Variants in CACNA1D observed in about 807,000 individuals in gnomAD.
The protein encoded by CACNA1D is voltage-dependent L-type calcium channel subunit alpha-1D.
Under a neutral mutation model 257.1 loss-of-function variants are expected in CACNA1D, and 55 were observed. The ratio of observed to expected loss-of-function variants is 0.21; its 90% CI spans 0.17 to 0.27. The LOEUF (loss-of-function observed/expected upper bound fraction) is 0.27. Among genes scored for constraint, CACNA1D ranks in the 10% least tolerant of loss-of-function variants. The pLI, the probability that CACNA1D is intolerant of heterozygous loss-of-function variation, is 1.00. For synonymous variants in CACNA1D, 980 were observed against 1,014.9 expected (o/e 0.97, Z 0.65); for missense variants, 1,876 against 2,784.0 (o/e 0.67, Z 7.34).
At chr3:53,507,561 T>C (rs1376579811) in intron 3 of CACNA1D, among the ~76,000 whole-genome samples, 1 of 151,700 alleles carries the variant, frequency 6.6e-6, no homozygotes, top group Non-Finnish European at 1.5e-5. Flanking sequence ...AAGACTATAG[T>C]GAGCTGTGAT....
chr3:53,642,860 G>A (rs914050293), intron 3 of CACNA1D, among the ~76,000 whole-genome samples: 5 of 152,234 alleles, frequency 3.3e-5, no homozygotes, highest in Admixed American at 3.3e-4. Flanking sequence ...AGGGAGAAGT[G>A]TATTCACACT....
intron 9 of CACNA1D, among the ~76,000 whole-genome samples, chr3:53,713,057 C>A (rs1214269527): frequency 6.6e-6 from 1 of 152,216 alleles, no homozygotes; most frequent in African/African-American, 2.4e-5. Context: ...GGACTCAGTT[C>A]TCCAGTGCAG....
At chr3:53,644,189 A>G (rs1024311340) in intron 3 of CACNA1D, among the ~76,000 whole-genome samples, 4 of 152,228 alleles carry the variant, frequency 2.6e-5, no homozygotes, top group Non-Finnish European at 5.9e-5. Flanking sequence ...TAAAGAGGCA[A>G]TTTTTAAAAA....
intron 45 of CACNA1D, 48 bp downstream of exon 45, chr3:53,805,194 T>A (rs747405459): frequency 1.3e-6 from 2 of 1,574,260 alleles, no homozygotes; most frequent in South Asian, 2.2e-5. Flanking sequence ...GGGAACAGTG[T>A]ACCTCTCCCC....
At chr3:53,523,993 C>T (rs2091672741) in intron 3 of CACNA1D, among the ~76,000 whole-genome samples, 1 of 152,216 alleles carries the variant, frequency 6.6e-6, no homozygotes, top group Admixed American at 6.5e-5. Flanking sequence ...GTGAAATTCT[C>T]ATTTTTAGGA....
chr3:53,616,898 T>C (rs2093643085), intron 3 of CACNA1D, among the ~76,000 whole-genome samples: 1 of 151,924 alleles, frequency 6.6e-6, no homozygotes, highest in Non-Finnish European at 1.5e-5. Context: ...ACACTGATGG[T>C]ATGTCTCCCT....
chr3:53,633,555 A>G lies in CACNA1D; in HGVS notation c.484-17224A>G, dbSNP rs2093846785. ...TTTTGAACTCAGACTGCTTGACTCC[A>G]TATTTACTGTGCTCTCCAGCTTAGG... On this transcript the variant is annotated intron_variant, in intron 3 of 47. Transcript: ENST00000350061. Among the ~76,000 whole-genome samples the G allele has an allele frequency of 7.9e-5, 12 of 152,178 alleles. No individual in the cohort carries two copies. In the South Asian group the frequency reaches 2.3e-3, roughly 29 times the overall value.
chr3:53,705,761 A>G (rs2094681819), intron 9 of CACNA1D, among the ~76,000 whole-genome samples: 1 of 152,170 alleles, frequency 6.6e-6, no homozygotes, highest in Admixed American at 6.5e-5. Flanking sequence ...CTCTGAGGAG[A>G]GAACCTCTCT....
intron 9 of CACNA1D, among the ~76,000 whole-genome samples, chr3:53,712,857 G>A (rs1207891941): frequency 6.6e-6 from 1 of 152,200 alleles, no homozygotes; most frequent in East Asian, 1.9e-4. Context: ...CTGTGAATGA[G>A]GCTACTAATG....
chr3:53,501,507 A>G (rs1013614780), intron 2 of CACNA1D, 108 bp from the exon 3 acceptor site: 24 of 697,248 alleles, frequency 3.4e-5, no homozygotes, highest in Non-Finnish European at 6.0e-5. Context: ...GGATTTGTGT[A>G]TGTCATTTTC....
At chr3:53,578,458 A>G (rs1332628320) in intron 3 of CACNA1D, among the ~76,000 whole-genome samples, 2 of 152,162 alleles carry the variant, frequency 1.3e-5, no homozygotes, top group African/African-American at 4.8e-5. Context: ...GCTCTATTCA[A>G]GGAAGAACCC....
In CACNA1D at chr3:53,745,706, C is replaced by T. The variant is rs774369648; in HGVS notation, c.3089C>T (p.Ala1030Val). ...ACCACCCTCCTGCAGTTCATGTTTG[C>T]CTGTATCGGGGTCCAGTTGTTCAAG... The part of the protein sequence containing the change: ...IVTTLLQFMF[A>V]CIGVQLFKGK... The change falls in exon 24 of 48, where the codon GCC becomes GTC. Residue 1030 changes from alanine to valine, a missense_variant. Around this residue, in one of 10 missense-constraint regions of CACNA1D, gnomAD observed 271 missense variants for 425.5 expected, o/e 0.64. Transcript: ENST00000350061. 6.2e-7 allele frequency: 1 copy of T among 1,613,690 alleles called. No individual in the cohort carries two copies.
intron 29 of CACNA1D, among the ~76,000 whole-genome samples, chr3:53,759,254 A>G (rs543458721): frequency 6.6e-6 from 1 of 152,368 alleles, no homozygotes; most frequent in South Asian, 2.1e-4. Context: ...TTTATCCATC[A>G]CAGTGCACCA....
intron 8 of CACNA1D, among the ~76,000 whole-genome samples, chr3:53,682,347 G>A (rs1463314123): frequency 8.7e-6 from 1 of 114,514 alleles, no homozygotes; most frequent in African/African-American, 3.4e-5. Flanking sequence ...GGGCGACATA[G>A]CGAGGCTTTG....
chr3:53,662,673 T>A (rs1234241797), intron 5 of CACNA1D, among the ~76,000 whole-genome samples: 2 of 152,198 alleles, frequency 1.3e-5, no homozygotes, highest in African/African-American at 4.8e-5. Context: ...TCTGCCTCCT[T>A]GACTAGAGTC....
chr3:53,743,853 A>G (rs965879169), intron 22 of CACNA1D, among the ~76,000 whole-genome samples: 22 of 152,210 alleles, frequency 1.4e-4, no homozygotes, highest in Admixed American at 7.8e-4. Flanking sequence ...AGAGAAGTGG[A>G]AAGGACCTGC....
At chr3:53,644,731 G>A (rs920353769) in intron 3 of CACNA1D, among the ~76,000 whole-genome samples, 10 of 152,170 alleles carry the variant, frequency 6.6e-5, no homozygotes, top group Admixed American at 2.6e-4. Flanking sequence ...TGATGAACAT[G>A]GAGGTTAATT....
intron 8 of CACNA1D, among the ~76,000 whole-genome samples, chr3:53,691,737 TATTACA>T (rs1359107549): frequency 1.8e-5 from 2 of 111,130 alleles, no homozygotes; most frequent in Non-Finnish European, 3.5e-5. Flanking sequence ...ATAATATATA[TATTACA>T]TATATAATAT....
intron 7 of CACNA1D, among the ~76,000 whole-genome samples, chr3:53,668,804 G>T (rs986499445): frequency 3.9e-5 from 6 of 152,206 alleles, no homozygotes; most frequent in African/African-American, 1.4e-4. Flanking sequence ...AATGGATGTG[G>T]CTTTATTCTA....
Sources: gnomAD v4.1 joint callset for allele counts (sites outside exome capture counted in the v4.1 genomes callset) on GRCh38, gnomAD v4.1.1 for gene constraint, gnomAD v4.1.1 regional missense constraint, MANE v1.5 for transcripts, NCBI Gene and HGNC (gene_info 2026-07-23, HGNC 2026-07-21) for gene names.